The following GART variants were observed in gnomAD, a reference collection of about 807,000 sequenced individuals.
GART encodes the protein trifunctional purine biosynthetic protein adenosine-3.
GART carries 43 observed loss-of-function variants against 107.2 expected under a neutral mutation model. The observed-to-expected ratio is 0.40, with a 90% CI of 0.31 to 0.52. The LOEUF is 0.52. GART is among the 20% of genes least tolerant of loss of function. The pLI is 0.52. For synonymous variants in GART, 434 were observed against 427.0 expected (o/e 1.02, Z -0.20); for missense variants, 1,107 against 1,206.5 (o/e 0.92, Z 1.22).
At chr21:33,511,914 G>A (rs891345649) in intron 16 of GART, among the ~76,000 whole-genome samples, 9 of 151,768 alleles carry the variant, frequency 5.9e-5, no homozygotes, top group Non-Finnish European at 1.2e-4. Flanking sequence ...AATGGAAGGC[G>A]GATCAACACC....
At chr21:33,536,594 T>C (rs1009353519) in intron 2 of GART, among the ~76,000 whole-genome samples, 1 of 152,256 alleles carries the variant, frequency 6.6e-6, no homozygotes, top group Admixed American at 6.5e-5. Flanking sequence ...TGATAAAGTT[T>C]AATTTACAAA....
In GART at chr21:33,509,979, T is replaced by C; in HGVS notation, c.2315-59A>G. ...AACAATTGTGAATTAACAAGAATAATGGAAAGAAAAATATTTTATGAAAAC... is the reference window on the plus strand; with the variant it reads ...AACAATTGTGAATTAACAAGAATAACGGAAAGAAAAATATTTTATGAAAAC... On this transcript the variant is annotated intron_variant, in intron 17 of 21. Coordinates refer to ENST00000381815, the MANE Select transcript of GART (RefSeq NM_000819.5). The C allele has an allele frequency of 4.8e-6, 7 of 1,470,374 alleles. No individual in the cohort carries two copies. The South Asian group carries it at 7.3e-5, about 15-fold the overall frequency. The allele number at this position is 1,470,374 out of a possible 1,614,324, so 91.1% of individuals were successfully genotyped here.
intron 10 of GART, among the ~76,000 whole-genome samples, chr21:33,526,968 A>G (rs1264124954): frequency 6.6e-6 from 1 of 152,204 alleles, no homozygotes; most frequent in African/African-American, 2.4e-5. Context: ...AAAGCCATTT[A>G]GTGATTCTGA....
Position 33,532,485 on chromosome 21 carries a change from C to G in GART, c.417-29G>C, listed in dbSNP as rs2085211531. 6 of 1,492,530 alleles carry G rather than the reference C, an allele frequency of 4.0e-6. No individual in the cohort carries two copies. The African/African-American group carries it at 8.3e-5, about 21-fold the overall frequency. The allele number at this position is 1,492,530 out of a possible 1,614,324, so 92.5% of individuals were successfully genotyped here. A position where few individuals can be genotyped will look rare whatever the true frequency, so the allele number is the denominator to read the frequency against. On this transcript the variant is annotated intron_variant, in intron 4 of 21. Transcript: ENST00000381815. ...TAAAGACAGAGTAATCGTCAACATC[C>G]AATAAACCATTACAACTCAAGATTT...
intron 17 of GART, 187 bp from the exon 18 acceptor site, chr21:33,510,107 T>G: frequency 1.7e-6 from 1 of 572,328 alleles, no homozygotes; most frequent in South Asian, 2.2e-5. Flanking sequence ...TTCCAAAAGG[T>G]GAACATATGT....
At chr21:33,527,242 G>C (rs1439476548) in intron 10 of GART, among the ~76,000 whole-genome samples, 1 of 152,140 alleles carries the variant, frequency 6.6e-6, no homozygotes, top group East Asian at 1.9e-4. Context: ...CTGGAGGCTG[G>C]GCATGGTGGC....
At chr21:33,525,532 G>C (rs990716544) in intron 10 of GART, among the ~76,000 whole-genome samples, 3 of 152,200 alleles carry the variant, frequency 2.0e-5, no homozygotes, top group African/African-American at 7.2e-5. Context: ...CTGGGTTCAA[G>C]CAATTCTCTT....
chr21:33,524,950 C>T lies in GART; in HGVS notation c.1117G>A (p.Ala373Thr), dbSNP rs768741057. ...GTTACTACTTTGCCATTTTTGAGGG[C>T]AGTGCCTGCATGGAACACCTCCAGT... ...LGLEVFHAGT[A>T]LKNGKVVTHG... Residue 373 changes from alanine (A) to threonine (T), a missense_variant, in exon 11 of 22, where the codon GCC (alanine) becomes ACC (threonine). Physicochemically the swap from Ala to Thr is moderately conservative, Grantham distance 58. Coordinates refer to ENST00000381815, the MANE Select transcript of GART (RefSeq NM_000819.5). The T allele has an allele frequency of 5.6e-6, 9 of 1,614,212 alleles. No individual in the cohort carries two copies. Among genetic ancestry groups the T allele is most frequent in the Non-Finnish European group, 7.6e-6 (9 of 1,180,044 alleles).
chr21:33,509,579 C>T (rs968164933), intron 18 of GART: 2 of 417,480 alleles, frequency 4.8e-6, no homozygotes, highest in African/African-American at 2.0e-5. Flanking sequence ...AGCTTTCTGA[C>T]ATCCTTTACT....
chr21:33,535,006 A>G (rs1252812288), intron 3 of GART, among the ~76,000 whole-genome samples: 1 of 152,240 alleles, frequency 6.6e-6, no homozygotes, highest in African/African-American at 2.4e-5. Flanking sequence ...CAGAATAAAG[A>G]CATATAAAAT....
At chr21:33,508,300 C>T (rs949948378) in intron 18 of GART, among the ~76,000 whole-genome samples, 2 of 151,870 alleles carry the variant, frequency 1.3e-5, no homozygotes, top group Non-Finnish European at 2.9e-5. Context: ...GAACAAACCA[C>T]TATGCTATGA....
upstream of GART, chr21:33,542,765 A>C (rs952435752): frequency 2.8e-6 from 1 of 353,930 alleles, no homozygotes. Flanking sequence ...AAGGCTCCCA[A>C]ACACTGCTGG....
At chr21:33,528,489 A>G in intron 9 of GART, 30 bp downstream of exon 9, 3 of 1,557,554 alleles carry the variant, frequency 1.9e-6, no homozygotes, top group Non-Finnish European at 2.6e-6. Flanking sequence ...CATATCTTCT[A>G]CCAAGTAATA....
At chr21:33,507,733 G>A (rs1024423653) in intron 18 of GART, among the ~76,000 whole-genome samples, 1 of 152,176 alleles carries the variant, frequency 6.6e-6, no homozygotes, top group South Asian at 2.1e-4. Flanking sequence ...TCAGGAGGCT[G>A]AGACAGAAGA....
chr21:33,540,858 T>C (rs2085400551), intron 1 of GART, among the ~76,000 whole-genome samples: 1 of 152,266 alleles, frequency 6.6e-6, no homozygotes, highest in East Asian at 1.9e-4. Context: ...CATGAAAGAA[T>C]CCTATGAGGG....
At chr21:33,542,744 G>T (rs1476071835), upstream of GART, 1 of 275,302 alleles carries the variant, frequency 3.6e-6, no homozygotes, top group Non-Finnish European at 7.0e-6. Flanking sequence ...CAGGCACTTA[G>T]CAAGCCTGTT....
chr21:33,522,069 G>T, intron 12 of GART, 119 bp downstream of exon 12: 1 of 705,722 alleles, frequency 1.4e-6, no homozygotes, highest in South Asian at 1.8e-5. Context: ...GGCTTAAGCA[G>T]GGCAAAACTT....
At chr21:33,516,744 G>A (rs1036423734) in intron 16 of GART, among the ~76,000 whole-genome samples, 1 of 152,090 alleles carries the variant, frequency 6.6e-6, no homozygotes, top group African/African-American at 2.4e-5. Context: ...CCCCTTGGAG[G>A]ACCTACTTAT....
rs756376928 is a variant in GART at position 33,532,466 on chromosome 21, C to T, written c.417-10G>A. 20 of 1,596,310 alleles carry T rather than the reference C, an allele frequency of 1.3e-5. No individual in the cohort carries two copies. The South Asian group carries it at 2.0e-4, about 16-fold the overall frequency. ...AGCAGGGAAGTCTGCACTGTAAAGACAGAGTAATCGTCAACATCCAATAAA... is the reference window on the plus strand; with the variant it reads ...AGCAGGGAAGTCTGCACTGTAAAGATAGAGTAATCGTCAACATCCAATAAA... On this transcript the variant is annotated splice_polypyrimidine_tract_variant and intron_variant, in intron 4 of 21. Transcript: ENST00000381815.
Sources: gnomAD v4.1 joint callset for allele counts (sites outside exome capture counted in the v4.1 genomes callset) on GRCh38, gnomAD v4.1.1 for gene constraint, MANE v1.5 for transcripts, NCBI Gene and HGNC (gene_info 2026-07-23, HGNC 2026-07-21) for gene names.